The following ARMH4 variants were observed in gnomAD, a reference collection of about 807,000 sequenced individuals.
ARMH4 encodes armadillo-like helical domain-containing protein 4.
Under a neutral mutation model 61.9 loss-of-function variants are expected in ARMH4, and 49 were observed. The ratio of observed to expected loss-of-function variants is 0.79; its 90% CI spans 0.63 to 1.00. The LOEUF (loss-of-function observed/expected upper bound fraction) is 1.00. Among genes scored for constraint, ARMH4 ranks in the 50% least tolerant of loss-of-function variants. The pLI is 0.00. For synonymous variants in ARMH4, 368 were observed against 341.5 expected (o/e 1.08, Z -0.85); for missense variants, 934 against 930.0 (o/e 1.00, Z -0.06).
chr14:58,053,135 C>T (rs1048836992), intron 5 of ARMH4, among the ~76,000 whole-genome samples: 2 of 152,218 alleles, frequency 1.3e-5, no homozygotes, highest in African/African-American at 4.8e-5. Context: ...TGACAAGCTC[C>T]TCACTGGCTT....
At chr14:58,026,396 G>C (rs1490968304) in intron 5 of ARMH4, among the ~76,000 whole-genome samples, 1 of 152,018 alleles carries the variant, frequency 6.6e-6, no homozygotes, top group Non-Finnish European at 1.5e-5. Flanking sequence ...TGAGCACCAA[G>C]GTTTCTGATC....
intron 4 of ARMH4, among the ~76,000 whole-genome samples, chr14:58,108,062 T>G (rs769257046): frequency 6.6e-5 from 10 of 152,174 alleles, no homozygotes; most frequent in Non-Finnish European, 1.3e-4. Flanking sequence ...TTTTTTTACC[T>G]TGGGCATCAA....
At chr14:58,130,645 T>A (rs191983670) in intron 4 of ARMH4, among the ~76,000 whole-genome samples, 1 of 152,208 alleles carries the variant, frequency 6.6e-6, no homozygotes, top group Non-Finnish European at 1.5e-5. Flanking sequence ...GTGCCTCAAG[T>A]TTCTTTTACA....
chr14:58,111,984 C>A (rs1333978139), intron 4 of ARMH4, among the ~76,000 whole-genome samples: 1 of 152,100 alleles, frequency 6.6e-6, no homozygotes, highest in East Asian at 1.9e-4. Context: ...ATGAGCTACC[C>A]CTCCCAGCCC....
intron 6 of ARMH4, among the ~76,000 whole-genome samples, chr14:58,009,815 AAAAAAAAAAAAAAG>A (rs1200392597): frequency 7.0e-6 from 1 of 143,422 alleles, no homozygotes; most frequent in African/African-American, 2.5e-5. Flanking sequence ...TGCAAAAAAA[AAAAAAAAAAAAAAG>A]AGAGAGAGAG....
chr14:58,032,675 G>C (rs1392574367), intron 5 of ARMH4, among the ~76,000 whole-genome samples: 1 of 146,834 alleles, frequency 6.8e-6, no homozygotes, highest in Non-Finnish European at 1.5e-5. Flanking sequence ...CAGACAGTGG[G>C]CGCAGGCCAG....
chr14:58,099,413 G>T (rs1034433970), intron 4 of ARMH4, among the ~76,000 whole-genome samples: 2 of 152,164 alleles, frequency 1.3e-5, no homozygotes, highest in African/African-American at 4.8e-5. Flanking sequence ...TGGTGTCAGG[G>T]AAGGCAAATG....
intron 7 of ARMH4, 23 bp from the exon 8 acceptor site, chr14:58,004,827 C>T (rs1411583970): frequency 6.3e-7 from 1 of 1,598,074 alleles, no homozygotes; most frequent in East Asian, 2.2e-5. Flanking sequence ...AACAGAAAAG[C>T]ATTAAACTCT....
At chr14:58,076,781 C>G (rs1033681221) in intron 5 of ARMH4, among the ~76,000 whole-genome samples, 9 of 152,100 alleles carry the variant, frequency 5.9e-5, no homozygotes, top group African/African-American at 2.2e-4. Flanking sequence ...GCAGACCTGA[C>G]AAAGGGGAAC....
In ARMH4 at chr14:58,003,627, T is replaced by C. The variant is rs2072446548; in HGVS notation, c.*1109A>G. On this transcript the variant is annotated 3_prime_UTR_variant, in exon 8 of 8. Transcript: ENST00000267485. ...GCAGGGAATTACATTCCAAGGGAGA[T>C]GAGAAATGATTGAACATATTTCAAT... is the stretch of plus-strand genomic sequence containing the variant. 2 of 152,212 alleles carry C rather than the reference T, an allele frequency of 1.3e-5. No homozygotes were observed. Among genetic ancestry groups the C allele is most frequent in the African/African-American group, 4.8e-5 (2 of 41,446 alleles). 9.4% of individuals were successfully genotyped at this position (152,212 alleles called of 1,614,324 possible).
intron 4 of ARMH4, among the ~76,000 whole-genome samples, chr14:58,097,256 G>A (rs1210866178): frequency 6.6e-6 from 1 of 152,152 alleles, no homozygotes; most frequent in Non-Finnish European, 1.5e-5. Flanking sequence ...TGTTATTAAA[G>A]TTATTTATAT....
chr14:58,041,137 C>T (rs1883685213), intron 5 of ARMH4, among the ~76,000 whole-genome samples: 1 of 152,144 alleles, frequency 6.6e-6, no homozygotes. Flanking sequence ...GTGCAGCACA[C>T]TGAGCATGAG....
chr14:58,016,360 AAC>A (rs1402866437), intron 5 of ARMH4, among the ~76,000 whole-genome samples: 1 of 152,214 alleles, frequency 6.6e-6, no homozygotes, highest in African/African-American at 2.4e-5. Context: ...AAAGGAAAAA[AAC>A]AGTGTAGTAT....
Position 58,004,629 on chromosome 14 carries a change from C to T in ARMH4, c.*107G>A, listed in dbSNP as rs971123809. On this transcript the variant is annotated 3_prime_UTR_variant, in exon 8 of 8. Coordinates refer to ENST00000267485, the MANE Select transcript of ARMH4 (RefSeq NM_001001872.4). ...AGCACCCAGCAGACACTAGGACTAACGGCCTGATAGCAGCAATGTGGCAGG... is the reference window on the plus strand; with the variant it reads ...AGCACCCAGCAGACACTAGGACTAATGGCCTGATAGCAGCAATGTGGCAGG... 1.6e-5 allele frequency: 15 copies of T among 940,394 alleles called. No homozygotes were observed. Among genetic ancestry groups the T allele is most frequent in the African/African-American group, 5.0e-5 (3 of 60,364 alleles). The allele number at this position is 940,394 out of a possible 1,614,324, so 58.3% of individuals were successfully genotyped here.
At chr14:58,145,243 A>G (rs1027177227) in intron 1 of ARMH4, among the ~76,000 whole-genome samples, 1 of 152,176 alleles carries the variant, frequency 6.6e-6, no homozygotes, top group Admixed American at 6.5e-5. Flanking sequence ...TGACATTGAA[A>G]CTTGCTATAT....
rs1176181488 is a variant in ARMH4, at chr14:58,001,589, A to G, written c.*3147T>C. On this transcript the variant is annotated 3_prime_UTR_variant, in exon 8 of 8. Transcript: ENST00000267485. ...TTGTTATATTTTGTTTTATTGAATA[A>G]TAGCCATCCCAATAGGTGTGAGGTG... is the stretch of plus-strand genomic sequence containing the variant. The G allele has an allele frequency of 6.6e-6, 1 of 152,148 alleles. No homozygotes were observed. Among genetic ancestry groups the G allele is most frequent in the Non-Finnish European group, 1.5e-5 (1 of 68,024 alleles). 9.4% of individuals were successfully genotyped at this position (152,148 alleles called of 1,614,324 possible).
At chr14:58,085,776 G>A (rs1334150951) in intron 5 of ARMH4, among the ~76,000 whole-genome samples, 1 of 152,098 alleles carries the variant, frequency 6.6e-6, no homozygotes, top group Non-Finnish European at 1.5e-5. Context: ...TTTGGGTTTA[G>A]GTTTCCAGAC....
At chr14:58,112,735 A>G (rs1324327307) in intron 4 of ARMH4, among the ~76,000 whole-genome samples, 5 of 152,162 alleles carry the variant, frequency 3.3e-5, no homozygotes, top group Admixed American at 2.6e-4. Flanking sequence ...GTTCTTTAAA[A>G]GTAGAGGCAC....
intron 5 of ARMH4, among the ~76,000 whole-genome samples, chr14:58,049,225 C>G (rs1451513327): frequency 1.5e-5 from 2 of 129,844 alleles, no homozygotes; most frequent in South Asian, 2.4e-4. Context: ...GGCAACAGAG[C>G]AAGACTCCGT....
Sources: gnomAD v4.1 joint callset for allele counts (sites outside exome capture counted in the v4.1 genomes callset) on GRCh38, gnomAD v4.1.1 for gene constraint, MANE v1.5 for transcripts, NCBI Gene and HGNC (gene_info 2026-07-23, HGNC 2026-07-21) for gene names.